Variants in HMGCLL1 observed in about 807,000 individuals in gnomAD.
HMGCLL1 encodes 3-hydroxy-3-methylglutaryl-CoA lyase like 1, also known as 3-hydroxymethyl-3-methylglutaryl-CoA lyase, cytoplasmic.
Under a neutral mutation model 39.1 loss-of-function variants are expected in HMGCLL1, and 36 were observed. The ratio of observed to expected loss-of-function variants is 0.92; its 90% CI spans 0.71 to 1.22. The LOEUF is 1.22. Among genes scored for constraint, HMGCLL1 ranks in the 50% most tolerant of loss-of-function variants. The pLI is 0.00. For missense variants in HMGCLL1, 451 were observed against 416.5 expected, an observed-to-expected ratio of 1.08 and a Z score of -0.72; for synonymous variants, 149 against 144.0, an observed-to-expected ratio of 1.03 and a Z score of -0.25.
chr6:55,644,985 G>C, the HMGCLL1 span, among the ~76,000 whole-genome samples: 5 of 151,890 alleles, frequency 3.3e-5, no homozygotes, highest in African/African-American at 9.7e-5. Flanking sequence ...TGATTTGTTT[G>C]CTAGTATGGA....
chr6:55,581,851 C>T (rs913099984), upstream of HMGCLL1, among the ~76,000 whole-genome samples: 3 of 151,728 alleles, frequency 2.0e-5, no homozygotes, highest in South Asian at 4.1e-4. Flanking sequence ...GAAGAAGATA[C>T]GAACATTCAC....
chr6:55,435,742 T>C lies in HMGCLL1; in HGVS notation c.943A>G (p.Met315Val). 2 of 1,599,500 alleles carry C rather than the reference T, an allele frequency of 1.3e-6. No homozygotes were observed. Among genetic ancestry groups the C allele is most frequent in the African/African-American group, 1.3e-5 (1 of 74,386 alleles). Residue 315 changes from methionine to valine, a missense_variant, in exon 9 of 9, where the codon ATG (methionine) becomes GTG (valine). Coordinates refer to ENST00000274901, the MANE Select transcript of HMGCLL1 (RefSeq NM_001042406.2). The stretch of plus-strand genomic sequence containing the variant: ...TTGCAAATAAAGTCACCAGCTTCCA[T>C]CACTTTGTATAGATTCACACCCTGG... ...LNTGVNLYKV[M>V]EAGDFICKAV... is the part of the protein sequence containing the mutation.
At chr6:55,461,547 A>G (rs1290999009) in intron 7 of HMGCLL1, among the ~76,000 whole-genome samples, 2 of 152,098 alleles carry the variant, frequency 1.3e-5, no homozygotes, top group African/African-American at 2.4e-5. Flanking sequence ...GAACAAGAAT[A>G]TAACTAACTT....
upstream of HMGCLL1, among the ~76,000 whole-genome samples, chr6:55,580,516 C>A (rs1771962513): frequency 6.8e-6 from 1 of 146,404 alleles, no homozygotes; most frequent in African/African-American, 2.5e-5. Context: ...CCCAGGTTCA[C>A]GCCATTCTCC....
intron 3 of HMGCLL1, among the ~76,000 whole-genome samples, chr6:55,521,542 C>CT (rs1467089844): frequency 6.6e-6 from 1 of 151,944 alleles, no homozygotes; most frequent in East Asian, 1.9e-4. Context: ...ATACTTAAAA[C>CT]TTTTTCATTA....
chr6:55,605,065 C>T, the HMGCLL1 span, among the ~76,000 whole-genome samples: 1 of 152,158 alleles, frequency 6.6e-6, no homozygotes, highest in Non-Finnish European at 1.5e-5. Context: ...GTAGTAGGCA[C>T]AGCTACTAGA....
intron 1 of HMGCLL1, among the ~76,000 whole-genome samples, chr6:55,578,729 G>A (rs1419680411): frequency 6.6e-6 from 1 of 152,216 alleles, no homozygotes; most frequent in Non-Finnish European, 1.5e-5. Flanking sequence ...CAGGGATTTT[G>A]CAGGGTCTGA....
intron 3 of HMGCLL1, among the ~76,000 whole-genome samples, chr6:55,526,230 T>C (rs1408648727): frequency 6.6e-6 from 1 of 152,030 alleles, no homozygotes; most frequent in Non-Finnish European, 1.5e-5. Flanking sequence ...TGCAGCATTA[T>C]GCCCACTATT....
chr6:55,473,609 T>A (rs1305775011), intron 7 of HMGCLL1, among the ~76,000 whole-genome samples: 1 of 151,508 alleles, frequency 6.6e-6, no homozygotes, highest in Non-Finnish European at 1.5e-5. Context: ...GTTACTATTT[T>A]TACTTTGAAC....
upstream of HMGCLL1, among the ~76,000 whole-genome samples, chr6:55,582,209 A>T (rs570322512): frequency 1.7e-4 from 26 of 152,298 alleles, no homozygotes; most frequent in South Asian, 2.7e-3. Context: ...ATCTGTATCC[A>T]CATGTGTAAA....
chr6:55,532,886 A>T (rs543963152), intron 3 of HMGCLL1, among the ~76,000 whole-genome samples: 2 of 150,372 alleles, frequency 1.3e-5, no homozygotes, highest in East Asian at 3.9e-4. Flanking sequence ...AACAGTGTTA[A>T]CATTTCCATA....
At chr6:55,477,299 A>ATATATTATATAATATATAT (rs1765435832) in intron 7 of HMGCLL1, among the ~76,000 whole-genome samples, 1 of 13,144 alleles carries the variant, frequency 7.6e-5, no homozygotes, top group African/African-American at 6.4e-4. Flanking sequence ...ATAAAATAAT[A>ATATATTATATAATATATAT]TATATTATAT....
At chr6:55,660,381 G>A in the HMGCLL1 span, among the ~76,000 whole-genome samples, 13 of 151,376 alleles carry the variant, frequency 8.6e-5, no homozygotes, top group South Asian at 4.2e-4. Flanking sequence ...CCTTCCACTC[G>A]CAATTAGCCC....
intron 3 of HMGCLL1, among the ~76,000 whole-genome samples, chr6:55,520,872 T>C (rs1439963874): frequency 2.3e-5 from 2 of 88,200 alleles, no homozygotes; most frequent in African/African-American, 4.0e-5. Context: ...TCTGTATATC[T>C]CTAGCCAAAA....
At chr6:55,449,892 A>G (rs1424848670) in intron 7 of HMGCLL1, among the ~76,000 whole-genome samples, 2 of 151,122 alleles carry the variant, frequency 1.3e-5, no homozygotes, top group South Asian at 2.1e-4. Context: ...TTACTTTTAC[A>G]TAAATAAACT....
At chr6:55,560,804 C>CA (rs1365788557) in intron 1 of HMGCLL1, among the ~76,000 whole-genome samples, 10 of 152,186 alleles carry the variant, frequency 6.6e-5, no homozygotes, top group Non-Finnish European at 1.0e-4. Flanking sequence ...TATTTCCTCA[C>CA]AAAAAACAGC....
chr6:55,621,977 T>C, the HMGCLL1 span, among the ~76,000 whole-genome samples: 1 of 152,128 alleles, frequency 6.6e-6, no homozygotes. Context: ...GTTTTCATTA[T>C]AGAGAACTTT....
chr6:55,658,755 T>C, the HMGCLL1 span, among the ~76,000 whole-genome samples: 1 of 151,976 alleles, frequency 6.6e-6, no homozygotes, highest in Non-Finnish European at 1.5e-5. Context: ...AAAATAGACA[T>C]GTTCTGTATT....
the HMGCLL1 span, among the ~76,000 whole-genome samples, chr6:55,600,011 T>A: frequency 6.6e-6 from 1 of 152,222 alleles, no homozygotes; most frequent in Non-Finnish European, 1.5e-5. Flanking sequence ...GTAATTGTTA[T>A]AAAATTATTC....
Sources: gnomAD v4.1 joint callset for allele counts (sites outside exome capture counted in the v4.1 genomes callset) on GRCh38, gnomAD v4.1.1 for gene constraint, MANE v1.5 for transcripts, NCBI Gene and HGNC (gene_info 2026-07-23, HGNC 2026-07-21) for gene names.